Variants in ARHGAP26 observed in about 807,000 individuals in gnomAD.
ARHGAP26 encodes rho GTPase-activating protein 26.
Under a neutral mutation model 104.8 loss-of-function variants are expected in ARHGAP26, and 38 were observed. The observed-to-expected ratio is 0.36, with a 90% CI of 0.28 to 0.48. The LOEUF is 0.48. Ranked by LOEUF, ARHGAP26 falls within the 20% of genes least tolerant of loss-of-function variation. The pLI, the probability that ARHGAP26 is intolerant of heterozygous loss-of-function variation, is 0.99. For synonymous variants in ARHGAP26, 341 were observed against 340.0 expected (o/e 1.00, Z -0.03); for missense variants, 704 against 947.9 (o/e 0.74, Z 3.38).
chr5:142,854,381 A>G (rs1296965904), intron 1 of ARHGAP26, among the ~76,000 whole-genome samples: 4 of 152,122 alleles, frequency 2.6e-5, no homozygotes, highest in African/African-American at 9.7e-5. Flanking sequence ...TTCAGTGTTT[A>G]TAGTGTGTAT....
intron 1 of ARHGAP26, among the ~76,000 whole-genome samples, chr5:142,849,073 G>C (rs1751011523): frequency 1.3e-5 from 2 of 152,282 alleles, no homozygotes; most frequent in African/African-American, 4.8e-5. Context: ...ACTCTAACTT[G>C]ATTTTTTATC....
chr5:143,038,396 C>T (rs917762218), intron 13 of ARHGAP26, among the ~76,000 whole-genome samples: 1 of 152,126 alleles, frequency 6.6e-6, no homozygotes, highest in Non-Finnish European at 1.5e-5. Flanking sequence ...GTTATTTCCC[C>T]TGTACCTCTC....
chr5:143,149,667 G>A (rs1371253920), intron 20 of ARHGAP26, among the ~76,000 whole-genome samples: 1 of 152,210 alleles, frequency 6.6e-6, no homozygotes, highest in Non-Finnish European at 1.5e-5. Context: ...GACGACTTGG[G>A]TCTCAGCCTC....
rs1417838855 is a variant in ARHGAP26 at position 143,226,524 on chromosome 5, A to G, written c.*4078A>G. 1.0e-5 allele frequency: 2 copies of G among 195,270 alleles called. No individual in the cohort carries two copies. Among genetic ancestry groups the G allele is most frequent in the Non-Finnish European group, 2.1e-5 (2 of 94,504 alleles). The allele number at this position is 195,270 out of a possible 1,614,324, so 12.1% of individuals were successfully genotyped here. On this transcript the variant is annotated 3_prime_UTR_variant, in exon 23 of 23. Transcript: ENST00000645722. ...AAAAAAAAGAATGCCATGCCAGGAG[A>G]AGACAGCTGGTTTCAAATCCCTGCC...
chr5:143,055,730 A>G (rs533201711), intron 15 of ARHGAP26, among the ~76,000 whole-genome samples: 8 of 152,340 alleles, frequency 5.3e-5, no homozygotes, highest in African/African-American at 1.9e-4. Context: ...GCTGTTGTTG[A>G]TAGATGAGTC....
At chr5:142,972,990 A>G (rs1284763748) in intron 11 of ARHGAP26, among the ~76,000 whole-genome samples, 1 of 152,146 alleles carries the variant, frequency 6.6e-6, no homozygotes, top group Non-Finnish European at 1.5e-5. Flanking sequence ...TCTCTAAACA[A>G]ATTTTTATTT....
chr5:142,874,843 C>G lies in ARHGAP26; in HGVS notation c.251-267C>G, dbSNP rs1755855136. ...GGCCTGGAAGCCTGCCAGCATCTCA[C>G]CAGTCCTGGATACTCTCAGGAACAG... is the stretch of plus-strand genomic sequence containing the variant. On this transcript the variant is annotated intron_variant, in intron 2 of 22. Transcript: ENST00000645722. The G allele has an allele frequency of 2.2e-5, 8 of 356,760 alleles. No homozygotes were observed. In the South Asian group the frequency reaches 3.7e-4, roughly 16 times the overall value. 22.1% of individuals were successfully genotyped at this position (356,760 alleles called of 1,614,324 possible).
chr5:143,001,674 A>C (rs1777211527), intron 11 of ARHGAP26, among the ~76,000 whole-genome samples: 1 of 152,196 alleles, frequency 6.6e-6, no homozygotes, highest in Non-Finnish European at 1.5e-5. Context: ...CCTGTGATGG[A>C]GGTGGGGGAC....
chr5:143,133,908 G>A (rs1797636156), intron 18 of ARHGAP26, 59 bp from the exon 19 acceptor site: 5 of 1,524,250 alleles, frequency 3.3e-6, no homozygotes, highest in Admixed American at 3.7e-5. Flanking sequence ...ACTGCTTCAG[G>A]CCTGTTTTCT....
intron 1 of ARHGAP26, among the ~76,000 whole-genome samples, chr5:142,776,135 T>G (rs1365369032): frequency 6.6e-6 from 1 of 152,202 alleles, no homozygotes; most frequent in Non-Finnish European, 1.5e-5. Flanking sequence ...TTATTTTTTA[T>G]TGTTTTTATT....
intron 1 of ARHGAP26, chr5:142,859,665 C>G (rs778516538): frequency 2.0e-5 from 3 of 152,124 alleles, no homozygotes; most frequent in Non-Finnish European, 4.4e-5. Flanking sequence ...TGCACAAAAT[C>G]AGTTTTCATT....
intron 20 of ARHGAP26, among the ~76,000 whole-genome samples, chr5:143,160,025 A>G (rs1415347691): frequency 6.6e-6 from 1 of 151,090 alleles, no homozygotes; most frequent in African/African-American, 2.4e-5. Flanking sequence ...ATTCTCTTAA[A>G]GCTTTGGAAC....
intron 12 of ARHGAP26, among the ~76,000 whole-genome samples, chr5:143,024,023 A>G (rs377478685): frequency 5.9e-5 from 9 of 152,208 alleles, no homozygotes; most frequent in South Asian, 2.1e-4. Context: ...CTCACTTTTC[A>G]TTATGAGTTG....
rs567092277 is a variant in ARHGAP26, at chr5:143,084,914, G to A, written c.1538+27167G>A. On this transcript the variant is annotated intron_variant, in intron 17 of 22. Coordinates refer to ENST00000645722, the MANE Select transcript of ARHGAP26 (RefSeq NM_001135608.3). ...ACAAAAATTAGCTGGGCGTGGTGGC[G>A]CGTGCCTGTAATCCCAGCTACTCAG... 4.6e-5 allele frequency among the ~76,000 whole-genome samples: 7 copies of A among 152,016 alleles called. No homozygotes were observed. In the South Asian group the frequency reaches 1.5e-3, roughly 32 times the overall value.
At chr5:143,101,957 G>A (rs997800929) in intron 17 of ARHGAP26, among the ~76,000 whole-genome samples, 17 of 151,882 alleles carry the variant, frequency 1.1e-4, no homozygotes, top group Non-Finnish European at 5.9e-5. Context: ...TAGGGGCTGT[G>A]GTGGCGCTGA....
chr5:142,771,152 A>C (rs1274989754), intron 1 of ARHGAP26: 3 of 1,292,598 alleles, frequency 2.3e-6, no homozygotes, highest in Non-Finnish European at 2.9e-6. Context: ...GAGGTGACCC[A>C]GCGCGGGTGG....
At chr5:142,911,032 C>T (rs537426939) in intron 9 of ARHGAP26, among the ~76,000 whole-genome samples, 1 of 152,190 alleles carries the variant, frequency 6.6e-6, no homozygotes, top group African/African-American at 2.4e-5. Context: ...GATTATTTTC[C>T]TTTAAAAGTA....
chr5:142,949,205 GAGAGAGAGA>G (rs1300419309), intron 11 of ARHGAP26, among the ~76,000 whole-genome samples: 256 of 48,408 alleles, frequency 5.3e-3, no homozygotes, highest in South Asian at 0.013. Context: ...GAGAGAGAGA[GAGAGAGAGA>G]GAGAGAGGAG....
At chr5:143,175,253 A>G (rs889280920) in intron 20 of ARHGAP26, among the ~76,000 whole-genome samples, 11 of 152,202 alleles carry the variant, frequency 7.2e-5, no homozygotes, top group Non-Finnish European at 1.6e-4. Context: ...CAGAACTTGT[A>G]AACAGTTAAT....
Sources: gnomAD v4.1 joint callset for allele counts (sites outside exome capture counted in the v4.1 genomes callset) on GRCh38, gnomAD v4.1.1 for gene constraint, MANE v1.5 for transcripts, NCBI Gene and HGNC (gene_info 2026-07-23, HGNC 2026-07-21) for gene names.